The following CNTNAP5 variants were observed in gnomAD, a reference collection of about 807,000 sequenced individuals.
The protein encoded by CNTNAP5 is contactin-associated protein-like 5.
A neutral mutation model predicts 150.2 loss-of-function variants in CNTNAP5; 72 were observed. The ratio of observed to expected loss-of-function variants is 0.48; its 90% CI spans 0.40 to 0.58. CNTNAP5 has a LOEUF of 0.58. Among genes scored for constraint, CNTNAP5 ranks in the 20% least tolerant of loss-of-function variants. The pLI is 0.00. For missense variants in CNTNAP5, 1,636 were observed against 1,626.2 expected (o/e 1.01, Z -0.10); for synonymous variants, 672 against 619.8 (o/e 1.08, Z -1.25).
chr2:124,685,976 T>G (rs1178658115), intron 13 of CNTNAP5, among the ~76,000 whole-genome samples: 1 of 152,136 alleles, frequency 6.6e-6, no homozygotes, highest in African/African-American at 2.4e-5. Flanking sequence ...AATTTTATTA[T>G]GAAGACCTCA....
chr2:124,840,191 A>T (rs572878152), intron 19 of CNTNAP5, among the ~76,000 whole-genome samples: 1 of 152,198 alleles, frequency 6.6e-6, no homozygotes, highest in South Asian at 2.1e-4. Context: ...AACATAGGGC[A>T]GGTATTGGAC....
intron 3 of CNTNAP5, among the ~76,000 whole-genome samples, chr2:124,286,727 G>T (rs917696274): frequency 6.6e-6 from 1 of 152,104 alleles, no homozygotes; most frequent in South Asian, 2.1e-4. Flanking sequence ...TGCATAGCCC[G>T]CCCATCTCCT....
chr2:124,845,222 C>T (rs1195662046), intron 19 of CNTNAP5, among the ~76,000 whole-genome samples: 1 of 151,966 alleles, frequency 6.6e-6, no homozygotes, highest in Non-Finnish European at 1.5e-5. Flanking sequence ...TTTTTTTCTG[C>T]ATCTATTGAG....
At chr2:124,690,636 C>G (rs988898614) in intron 13 of CNTNAP5, among the ~76,000 whole-genome samples, 1 of 152,056 alleles carries the variant, frequency 6.6e-6, no homozygotes, top group Non-Finnish European at 1.5e-5. Flanking sequence ...CCTGCTATTC[C>G]TCTACACTTC....
intron 3 of CNTNAP5, among the ~76,000 whole-genome samples, chr2:124,344,962 G>A (rs1689702753): frequency 6.6e-6 from 1 of 152,186 alleles, no homozygotes; most frequent in South Asian, 2.1e-4. Context: ...TGGAAGTGGG[G>A]AGAAGCAGGA....
At chr2:124,687,951 ACT>A (rs1679226513) in intron 13 of CNTNAP5, among the ~76,000 whole-genome samples, 8 of 152,246 alleles carry the variant, frequency 5.3e-5, no homozygotes, top group Admixed American at 5.2e-4. Flanking sequence ...TTTTACTAGT[ACT>A]AATTCTGAAT....
intron 1 of CNTNAP5, among the ~76,000 whole-genome samples, chr2:124,118,374 G>A (rs933782019): frequency 6.6e-6 from 1 of 152,074 alleles, no homozygotes; most frequent in East Asian, 1.9e-4. Context: ...TCAAACAGTC[G>A]ACAAGTCATT....
intron 1 of CNTNAP5, among the ~76,000 whole-genome samples, chr2:124,065,170 C>A (rs1682123588): frequency 6.6e-6 from 1 of 152,030 alleles, no homozygotes; most frequent in Non-Finnish European, 1.5e-5. Flanking sequence ...GGGGAAAGTA[C>A]AGACACTGAG....
intron 19 of CNTNAP5, among the ~76,000 whole-genome samples, chr2:124,822,519 C>G (rs917697962): frequency 2.6e-5 from 4 of 152,116 alleles, no homozygotes; most frequent in Non-Finnish European, 4.4e-5. Context: ...AATTACCAGT[C>G]CCCTTCCAAC....
intron 1 of CNTNAP5, among the ~76,000 whole-genome samples, chr2:124,218,630 C>T (rs1223178559): frequency 4.6e-5 from 7 of 152,206 alleles, no homozygotes; most frequent in Non-Finnish European, 1.0e-4. Flanking sequence ...TCCCTGGAAA[C>T]TGAGATACAA....
At chr2:124,881,456 G>T (rs1231448972) in intron 21 of CNTNAP5, among the ~76,000 whole-genome samples, 1 of 152,062 alleles carries the variant, frequency 6.6e-6, no homozygotes, top group African/African-American at 2.4e-5. Context: ...ATTCGTTCTG[G>T]TCTGGCCTGA....
chr2:124,670,236 T>A (rs1243361552), intron 13 of CNTNAP5, among the ~76,000 whole-genome samples: 1 of 149,088 alleles, frequency 6.7e-6, no homozygotes, highest in Non-Finnish European at 1.5e-5. Context: ...TTTCTTTCTT[T>A]CTTTTCTTTC....
intron 3 of CNTNAP5, among the ~76,000 whole-genome samples, chr2:124,261,692 AG>A (rs1253170152): frequency 6.6e-6 from 1 of 152,154 alleles, no homozygotes. Context: ...TTCTGTACTC[AG>A]GAGCTACAGG....
At chr2:124,103,022 G>A (rs1683097892) in intron 1 of CNTNAP5, among the ~76,000 whole-genome samples, 1 of 152,100 alleles carries the variant, frequency 6.6e-6, no homozygotes, top group Non-Finnish European at 1.5e-5. Context: ...ATACAACGGT[G>A]TTTCTGCAAG....
intron 5 of CNTNAP5, among the ~76,000 whole-genome samples, chr2:124,439,229 G>C (rs1003849737): frequency 2.0e-5 from 3 of 152,010 alleles, no homozygotes; most frequent in Non-Finnish European, 2.9e-5. Context: ...GAATCAATGG[G>C]ATAAAATGCA....
chr2:124,383,419 C>T (rs1422137705), intron 3 of CNTNAP5, among the ~76,000 whole-genome samples: 1 of 150,622 alleles, frequency 6.6e-6, no homozygotes, highest in Admixed American at 6.6e-5. Context: ...CCCATTGCAG[C>T]CTGTCTGCAC....
At chr2:124,579,701 G>A (rs1253183888) in intron 11 of CNTNAP5, among the ~76,000 whole-genome samples, 3 of 152,164 alleles carry the variant, frequency 2.0e-5, no homozygotes, top group South Asian at 4.2e-4. Context: ...GGGATGACAA[G>A]AGCTGAAAAA....
intron 14 of CNTNAP5, among the ~76,000 whole-genome samples, chr2:124,760,722 G>C (rs1423312846): frequency 6.6e-6 from 1 of 151,980 alleles, no homozygotes; most frequent in Non-Finnish European, 1.5e-5. Flanking sequence ...GTGGGGTGCC[G>C]TTTCTTGTTC....
intron 3 of CNTNAP5, among the ~76,000 whole-genome samples, chr2:124,333,129 G>A (rs1056475519): frequency 4.6e-5 from 7 of 152,002 alleles, no homozygotes; most frequent in African/African-American, 9.7e-5. Flanking sequence ...GGAGCCTGGC[G>A]CTTTGGCTCA....
Sources: allele counts gnomAD v4.1 joint callset (sites outside exome capture counted in the v4.1 genomes callset), GRCh38; gene constraint gnomAD v4.1.1; transcripts MANE v1.5; gene names NCBI Gene and HGNC (gene_info 2026-07-23, HGNC 2026-07-21).